The following IL17B variants were observed in gnomAD, a reference collection of about 807,000 sequenced individuals.
The protein encoded by IL17B is interleukin 17B, also known as interleukin-17B.
IL17B carries 14 observed loss-of-function variants against 14.7 expected under a neutral mutation model. That is an observed-to-expected ratio of 0.95 (90% confidence interval 0.63 to 1.49). The LOEUF is 1.49. Ranked by LOEUF, IL17B falls within the 40% of genes most tolerant of loss-of-function variation. The pLI is 0.00. For synonymous variants in IL17B, 105 were observed against 94.8 expected (o/e 1.11, Z -0.62); for missense variants, 233 against 252.8 (o/e 0.92, Z 0.53).
At chr5:149,389,821 T>C (rs1267226545) in intron 1 of IL17B, among the ~76,000 whole-genome samples, 3 of 152,224 alleles carry the variant, frequency 2.0e-5, no homozygotes, top group African/African-American at 7.2e-5. Flanking sequence ...ATTTTTCACT[T>C]CGTTAATGCA....
chr5:149,399,498 A>G (rs1011584089), intron 1 of IL17B, among the ~76,000 whole-genome samples: 2 of 152,026 alleles, frequency 1.3e-5, no homozygotes, highest in Admixed American at 6.5e-5. Context: ...TTTTTTTTTA[A>G]TCTCTGTAAG....
At chr5:149,391,755 C>T (rs544671716) in intron 1 of IL17B, among the ~76,000 whole-genome samples, 32 of 152,282 alleles carry the variant, frequency 2.1e-4, no homozygotes, top group African/African-American at 7.0e-4. Context: ...CAATGGAGGA[C>T]GGCGACTGGC....
chr5:149,382,193 C>A (rs1392390256), upstream of IL17B, among the ~76,000 whole-genome samples: 1 of 152,186 alleles, frequency 6.6e-6, no homozygotes, highest in Non-Finnish European at 1.5e-5. Context: ...TGGGGCCCTG[C>A]GCCTGTGCCT....
chr5:149,402,104 A>C (rs1420027796), intron 1 of IL17B, among the ~76,000 whole-genome samples: 1 of 152,156 alleles, frequency 6.6e-6, no homozygotes, highest in Non-Finnish European at 1.5e-5. Context: ...CCTCTTACAC[A>C]CAGAGGGTTC....
chr5:149,389,000 T>G (rs2127620496), intron 1 of IL17B, among the ~76,000 whole-genome samples: 1 of 152,344 alleles, frequency 6.6e-6, no homozygotes, highest in East Asian at 1.9e-4. Flanking sequence ...TGTAAGGCCA[T>G]AACGTAAAGT....
chr5:149,399,453 G>A (rs956777789), intron 1 of IL17B, among the ~76,000 whole-genome samples: 2 of 152,158 alleles, frequency 1.3e-5, no homozygotes, highest in African/African-American at 2.4e-5. Flanking sequence ...TGGTAGTGGC[G>A]GGAAGTTGAT....
chr5:149,381,555 C>T (rs115308901), upstream of IL17B, among the ~76,000 whole-genome samples: 1,423 of 152,360 alleles, frequency 9.3e-3, 15 homozygotes, highest in Non-Finnish European at 0.014. Flanking sequence ...GGCTGGGCCT[C>T]CTTGCTGGTC....
chr5:149,388,875 C>G (rs994788429), intron 1 of IL17B, among the ~76,000 whole-genome samples: 4 of 152,232 alleles, frequency 2.6e-5, no homozygotes, highest in African/African-American at 4.8e-5. Context: ...TCTGCCCCAG[C>G]CACATATTTC....
At chr5:149,399,071 G>A (rs1195002972) in intron 1 of IL17B, among the ~76,000 whole-genome samples, 1 of 152,214 alleles carries the variant, frequency 6.6e-6, no homozygotes, top group Non-Finnish European at 1.5e-5. Flanking sequence ...TTGCTATCAT[G>A]AGAACAGCAT....
intron 1 of IL17B, among the ~76,000 whole-genome samples, chr5:149,392,444 G>C (rs1758990196): frequency 6.6e-6 from 1 of 152,228 alleles, no homozygotes; most frequent in Non-Finnish European, 1.5e-5. Flanking sequence ...ATAGCCAATA[G>C]CTGTTATTAA....
chr5:149,378,068 C>G (rs539502607), intron 1 of IL17B, among the ~76,000 whole-genome samples: 1 of 151,616 alleles, frequency 6.6e-6, no homozygotes, highest in Non-Finnish European at 1.5e-5. Context: ...GGCCTGAACC[C>G]GGGAGGCGGA....
chr5:149,402,775 G>A (rs1189007939), intron 1 of IL17B, among the ~76,000 whole-genome samples: 14 of 151,358 alleles, frequency 9.2e-5, no homozygotes, highest in East Asian at 3.9e-4. Flanking sequence ...AGGCCGAGGC[G>A]GGCGGATCAC....
chr5:149,398,528 C>T (rs1442983630), intron 1 of IL17B, among the ~76,000 whole-genome samples: 1 of 152,168 alleles, frequency 6.6e-6, no homozygotes, highest in Non-Finnish European at 1.5e-5. Flanking sequence ...GAGGGCAGAC[C>T]CAGGCAGCAC....
At chr5:149,395,318 C>G (rs1759070426) in intron 1 of IL17B, among the ~76,000 whole-genome samples, 1 of 152,166 alleles carries the variant, frequency 6.6e-6, no homozygotes, top group Non-Finnish European at 1.5e-5. Context: ...ACTAGTGCTG[C>G]AATGACACTG....
At chr5:149,392,961 TGTGTGTGCGC>T (rs1759009425) in intron 1 of IL17B, among the ~76,000 whole-genome samples, 1 of 149,886 alleles carries the variant, frequency 6.7e-6, no homozygotes, top group African/African-American at 2.5e-5. Context: ...CGTGTGTGCG[TGTGTGTGCGC>T]GCGTGCGTGT....
At chr5:149,397,587 AG>A (rs1177721217) in intron 1 of IL17B, among the ~76,000 whole-genome samples, 3 of 152,258 alleles carry the variant, frequency 2.0e-5, no homozygotes, top group Non-Finnish European at 4.4e-5. Context: ...CACAATAAAA[AG>A]AAATGCTATT....
chr5:149,395,355 G>A (rs1759071343), intron 1 of IL17B, among the ~76,000 whole-genome samples: 2 of 152,136 alleles, frequency 1.3e-5, no homozygotes, highest in African/African-American at 4.8e-5. Flanking sequence ...TGTCTTTATG[G>A]TAGAACTATT....
chr5:149,376,944 G>C lies in IL17B; in HGVS notation c.103C>G (p.Pro35Ala). The C allele has an allele frequency of 6.2e-7, 1 of 1,612,848 alleles. No homozygotes were observed. The highest frequency in any genetic ancestry group is 8.5e-7 in the Non-Finnish European group (1 of 1,179,496). Residue 35 changes from proline (P) to alanine (A), a missense_variant, in exon 2 of 3, where the codon CCT (proline) becomes GCT (alanine). By Grantham distance (27) the Pro-to-Ala change is conservative (BLOSUM62 -1). Coordinates refer to ENST00000261796, the MANE Select transcript of IL17B (RefSeq NM_014443.3). Reference sequence around the variant, plus strand: ...TGAGGGCCAGGGGCCAGGGGCCCAGGCCGCCCTTGCCCCTTCCTCTTGCTT... The same window carrying C: ...TGAGGGCCAGGGGCCAGGGGCCCAGCCCGCCCTTGCCCCTTCCTCTTGCTT... ...PKSKRKGQGR[P>A]GPLAPGPHQV...
rs867003536 is a variant in IL17B, at chr5:149,400,540, C to G, written n.95+3568G>C. ...TGGGTGTGGCAGAGGCAGGAGTGAC[C>G]TCCTAACCCTGGACACAGCTGCAGC... On this transcript the variant is annotated intron_variant and non_coding_transcript_variant, in intron 1 of 2. Transcript: ENST00000505432. Among the ~76,000 whole-genome samples the G allele has an allele frequency of 9.2e-5, 14 of 152,318 alleles. No homozygotes were observed. In the Middle Eastern group the frequency reaches 0.01, roughly 111 times the overall value.
Sources: gnomAD v4.1 joint callset for allele counts (sites outside exome capture counted in the v4.1 genomes callset) on GRCh38, gnomAD v4.1.1 for gene constraint, MANE v1.5 for transcripts, NCBI Gene and HGNC (gene_info 2026-07-23, HGNC 2026-07-21) for gene names.